Variants in TBC1D9 observed in about 807,000 individuals in gnomAD.
The protein encoded by TBC1D9 is TBC1 domain family member 9.
In TBC1D9, 63 loss-of-function variants were observed where a neutral mutation model predicts 132.0. The observed-to-expected ratio is 0.48, with a 90% CI of 0.39 to 0.59. TBC1D9 has a LOEUF of 0.59. TBC1D9 is among the 20% of genes least tolerant of loss of function. The pLI is 0.00. For synonymous variants in TBC1D9, 610 were observed against 609.9 expected (o/e 1.00, Z 0.00); for missense variants, 1,261 against 1,592.7 (o/e 0.79, Z 3.54).
chr4:140,657,278 A>G (rs983048060), intron 12 of TBC1D9, 52 bp from the exon 13 acceptor site: 1 of 1,580,482 alleles, frequency 6.3e-7, no homozygotes, highest in African/African-American at 1.4e-5. Flanking sequence ...GAATCCTCCC[A>G]TTATAATTCT....
intron 13 of TBC1D9, among the ~76,000 whole-genome samples, chr4:140,651,783 G>T (rs116765060): frequency 6.6e-6 from 1 of 152,270 alleles, no homozygotes; most frequent in Non-Finnish European, 1.5e-5. Flanking sequence ...ACAAAGATCA[G>T]AAAAATGTTG....
At chr4:140,704,005 T>C (rs1215298589) in intron 1 of TBC1D9, among the ~76,000 whole-genome samples, 1 of 152,164 alleles carries the variant, frequency 6.6e-6, no homozygotes, top group Admixed American at 6.5e-5. Context: ...ACATCTTGAA[T>C]CAAAATAAGA....
intron 9 of TBC1D9, 123 bp downstream of exon 9, chr4:140,668,794 G>A (rs1737487558): frequency 2.0e-6 from 2 of 999,116 alleles, no homozygotes; most frequent in African/African-American, 1.6e-5. Flanking sequence ...GAAACATGAT[G>A]TAGCTTTCAA....
rs751814937 is a variant in TBC1D9, at chr4:140,622,547, A to T, written c.3449T>A (p.Leu1150Gln). 8 of 1,614,062 alleles carry T rather than the reference A, an allele frequency of 5.0e-6. No homozygotes were observed. In the South Asian group the frequency reaches 8.8e-5, roughly 18 times the overall value. Reference protein sequence around the residue: ...PRDNGACSSMLISDDDTKDDS... With the variant: ...PRDNGACSSMQISDDDTKDDS... Reference sequence around the variant, plus strand: ...GTCCTTGGTGTCGTCGTCAGAGATCAGCATGGAGGAGCAGGCCCCGTTGTC... The same window carrying T: ...GTCCTTGGTGTCGTCGTCAGAGATCTGCATGGAGGAGCAGGCCCCGTTGTC... Residue 1150 changes from leucine (L) to glutamine (Q), a missense_variant, in exon 21 of 21, where the codon CTG becomes CAG. Physicochemically the swap from Leu to Gln is moderately radical, Grantham distance 113. Transcript: ENST00000442267.
intron 9 of TBC1D9, among the ~76,000 whole-genome samples, chr4:140,668,147 G>A (rs6845527): frequency 0.56 from 84,812 of 151,914 alleles, 24,079 homozygotes; most frequent in African/African-American, 0.67. Context: ...TGAGATATTA[G>A]AGATCCCTGG....
intron 16 of TBC1D9, 104 bp from the exon 17 acceptor site, chr4:140,628,469 A>G: frequency 9.3e-7 from 1 of 1,071,450 alleles, no homozygotes; most frequent in Non-Finnish European, 1.4e-6. Flanking sequence ...TCCAACCAAG[A>G]CATTGTGTGG....
Position 140,659,623 on chromosome 4 carries a change from C to A in TBC1D9, c.1886G>T (p.Arg629Leu), listed in dbSNP as rs752645201. The change falls in exon 11 of 21, where the codon CGC (arginine) becomes CTC (leucine). Residue 629 changes from arginine (R) to leucine (L), a missense_variant. By Grantham distance (102) the Arg-to-Leu change is moderately radical. Around this residue, in one of 3 missense-constraint regions of TBC1D9, gnomAD observed 93 missense variants for 169.2 expected, o/e 0.55. Coordinates refer to ENST00000442267, the MANE Select transcript of TBC1D9 (RefSeq NM_015130.3). ...GGTGTTGTAGTAATCTGGGAGCATGCGCTCACACAAAGCCACAAGCAGCCA... is the reference window on the plus strand; with the variant it reads ...GGTGTTGTAGTAATCTGGGAGCATGAGCTCACACAAAGCCACAAGCAGCCA... ...AFWLLVALCE[R>L]MLPDYYNTRV... 8.1e-6 allele frequency: 13 copies of A among 1,603,442 alleles called. No individual in the cohort carries two copies. The highest frequency in any genetic ancestry group is 1.1e-5 in the Non-Finnish European group (13 of 1,175,092).
chr4:140,652,221 A>G (rs938513282), intron 13 of TBC1D9, among the ~76,000 whole-genome samples: 1 of 151,680 alleles, frequency 6.6e-6, no homozygotes, highest in Non-Finnish European at 1.5e-5. Context: ...AGCCTGGGTG[A>G]CAGAGGGAGA....
intron 2 of TBC1D9, among the ~76,000 whole-genome samples, chr4:140,689,485 CCCTTCCCTTCCCCCTTT>C (rs1737841666): frequency 1.9e-5 from 2 of 106,920 alleles, no homozygotes; most frequent in Admixed American, 9.7e-5. Flanking sequence ...TCCCCTTTTT[CCCTTCCCTTCCCCCTTT>C]CCTTCCCTTC....
At chr4:140,659,372 G>A in intron 11 of TBC1D9, 1 of 368,022 alleles carries the variant, frequency 2.7e-6, no homozygotes, top group Non-Finnish European at 4.8e-6. Flanking sequence ...AATAATTTCT[G>A]GAGCAGGCGT....
rs1251650575 is a variant in TBC1D9 at position 140,733,086 on chromosome 4, A to G, written c.130+22830T>C. On this transcript the variant is annotated intron_variant, in intron 1 of 20. Coordinates refer to ENST00000442267, the MANE Select transcript of TBC1D9 (RefSeq NM_015130.3). ...AAAATTAAAACTACAAGCATTGTTC[A>G]TAGAAATGTACCTCTATAGCCATAA... Among the ~76,000 whole-genome samples, 8 of 152,170 alleles carry G rather than the reference A, an allele frequency of 5.3e-5. No individual in the cohort carries two copies. In the East Asian group the frequency reaches 1.5e-3, roughly 29 times the overall value.
chr4:140,742,250 C>T (rs747156007), intron 1 of TBC1D9, among the ~76,000 whole-genome samples: 11 of 152,000 alleles, frequency 7.2e-5, no homozygotes. Flanking sequence ...TAAAAAATGA[C>T]TCGCCGGGCA....
chr4:140,691,822 T>A (rs149690427), intron 2 of TBC1D9, among the ~76,000 whole-genome samples: 8 of 152,220 alleles, frequency 5.3e-5, no homozygotes, highest in Non-Finnish European at 1.2e-4. Context: ...TCTGCAATGA[T>A]GAAAAATACG....
rs536634222 is a variant in TBC1D9 at position 140,748,848 on chromosome 4, C to G, written c.130+7068G>C. 2.6e-5 allele frequency among the ~76,000 whole-genome samples: 4 copies of G among 152,022 alleles called. No homozygotes were observed. The South Asian group carries it at 8.3e-4, about 32-fold the overall frequency. ...GGAAAACGGATTCCAGAAAAATGGT[C>G]AGAGAGGGAAGAAGAAAGTAAAACA... On this transcript the variant is annotated intron_variant, in intron 1 of 20. Transcript: ENST00000442267.
intron 1 of TBC1D9, 126 bp downstream of exon 1, chr4:140,755,790 A>G: frequency 7.5e-7 from 1 of 1,333,198 alleles, no homozygotes; most frequent in Non-Finnish European, 9.6e-7. Flanking sequence ...CTCGCATACA[A>G]CGAGGCAGGG....
At chr4:140,720,656 G>A (rs1289524294) in intron 1 of TBC1D9, among the ~76,000 whole-genome samples, 2 of 152,140 alleles carry the variant, frequency 1.3e-5, no homozygotes, top group East Asian at 1.9e-4. Context: ...CATATTACCT[G>A]GGTGGTAATA....
chr4:140,726,781 A>G (rs1013745217), intron 1 of TBC1D9, among the ~76,000 whole-genome samples: 5 of 152,242 alleles, frequency 3.3e-5, no homozygotes, highest in Non-Finnish European at 5.9e-5. Flanking sequence ...TGAATTCAGC[A>G]TACCACATTA....
chr4:140,710,450 A>C (rs1390920685), intron 1 of TBC1D9, among the ~76,000 whole-genome samples: 1 of 152,200 alleles, frequency 6.6e-6, no homozygotes, highest in African/African-American at 2.4e-5. Context: ...CACAAAGTAA[A>C]TGCTCAACAA....
chr4:140,734,561 A>G (rs572117014), intron 1 of TBC1D9, among the ~76,000 whole-genome samples: 2 of 152,132 alleles, frequency 1.3e-5, no homozygotes, highest in Non-Finnish European at 2.9e-5. Context: ...GAAGGCTGAG[A>G]TTGGAAGATT....
Sources: allele counts gnomAD v4.1 joint callset (sites outside exome capture counted in the v4.1 genomes callset), GRCh38; gene constraint gnomAD v4.1.1; regional missense constraint gnomAD v4.1.1; transcripts MANE v1.5; gene names NCBI Gene and HGNC (gene_info 2026-07-23, HGNC 2026-07-21).